Variants in VPS13D observed in about 807,000 individuals in gnomAD.
VPS13D encodes the protein vacuolar protein sorting 13 homolog D.
A neutral mutation model predicts 461.9 loss-of-function variants in VPS13D; 187 were observed. The observed-to-expected ratio is 0.40, with a 90% CI of 0.36 to 0.46. The LOEUF is 0.46. Among genes scored for constraint, VPS13D ranks in the 20% least tolerant of loss-of-function variants. The pLI is 0.60. For synonymous variants in VPS13D, 1,951 were observed against 1,986.3 expected, an observed-to-expected ratio of 0.98 and a Z score of 0.47; for missense variants, 4,711 against 5,364.9, an observed-to-expected ratio of 0.88 and a Z score of 3.81.
intron 65 of VPS13D, among the ~76,000 whole-genome samples, chr1:12,452,533 A>G (rs1645275895): frequency 6.6e-6 from 1 of 152,226 alleles, no homozygotes; most frequent in Non-Finnish European, 1.5e-5. Context: ...AGGGAGAAAT[A>G]ATGGCTGGGC....
chr1:12,331,760 T>C (rs1435373337), intron 37 of VPS13D, among the ~76,000 whole-genome samples: 1 of 151,080 alleles, frequency 6.6e-6, no homozygotes, highest in African/African-American at 2.4e-5. Flanking sequence ...GTCTTTCTAG[T>C]TGAGAGAAAC....
chr1:12,462,962 G>A lies in VPS13D; in HGVS notation c.12662+2566G>A, dbSNP rs909996518. ...ACATTTCCATGTAGATGAGGCACTCGGGATATAGAAAAGTTGTGCAGCTTG... is the reference window on the plus strand; with the variant it reads ...ACATTTCCATGTAGATGAGGCACTCAGGATATAGAAAAGTTGTGCAGCTTG... On this transcript the variant is annotated intron_variant, in intron 67 of 69. Transcript: ENST00000620676. 3.9e-5 allele frequency among the ~76,000 whole-genome samples: 6 copies of A among 152,158 alleles called. 1 individual carries two copies. The highest frequency in any genetic ancestry group is 2.6e-4 in the Admixed American group (4 of 15,292).
At chr1:12,333,164 G>A in intron 37 of VPS13D, 62 bp from the exon 38 acceptor site, 2 of 1,555,836 alleles carry the variant, frequency 1.3e-6, no homozygotes, top group Non-Finnish European at 1.7e-6. Context: ...TTTGCGAGCA[G>A]TGTTCCCCTA....
At chr1:12,361,195 A>G (rs2101611940) in intron 50 of VPS13D, among the ~76,000 whole-genome samples, 1 of 152,242 alleles carries the variant, frequency 6.6e-6, no homozygotes, top group Non-Finnish European at 1.5e-5. Context: ...AGCATGTATT[A>G]AGAGACCAGT....
chr1:12,307,293 C>A (rs531922861), intron 26 of VPS13D, among the ~76,000 whole-genome samples: 1 of 151,974 alleles, frequency 6.6e-6, no homozygotes, highest in African/African-American at 2.4e-5. Context: ...AGAGAGAAGA[C>A]TGAATTTAGA....
intron 63 of VPS13D, among the ~76,000 whole-genome samples, chr1:12,408,858 C>A (rs1227191679): frequency 1.3e-5 from 2 of 152,172 alleles, no homozygotes; most frequent in Non-Finnish European, 2.9e-5. Context: ...TGCTCTGTTG[C>A]TTCTCTGCCT....
chr1:12,329,942 A>G (rs1250338697), intron 37 of VPS13D, 24 bp downstream of exon 37: 3 of 1,360,944 alleles, frequency 2.2e-6, no homozygotes, highest in Admixed American at 2.0e-5. Flanking sequence ...ATATGTTATC[A>G]TGGGATTTAA....
chr1:12,386,734 C>A (rs1373802165), intron 60 of VPS13D, among the ~76,000 whole-genome samples: 1 of 152,198 alleles, frequency 6.6e-6, no homozygotes, highest in Non-Finnish European at 1.5e-5. Flanking sequence ...CCACCTGAAA[C>A]AACCCCAGAA....
chr1:12,372,207 C>G (rs190283821), intron 54 of VPS13D, among the ~76,000 whole-genome samples: 19 of 152,210 alleles, frequency 1.2e-4, no homozygotes, highest in Middle Eastern at 3.4e-3. Flanking sequence ...GTATGCAGCA[C>G]CACGCCCAGC....
intron 49 of VPS13D, among the ~76,000 whole-genome samples, chr1:12,357,983 G>A (rs1274962155): frequency 4.0e-5 from 6 of 148,230 alleles, no homozygotes; most frequent in South Asian, 2.1e-4. Context: ...CAGCCTGGGC[G>A]ACAGAGCAAG....
chr1:12,262,955 C>T (rs763863711), intron 13 of VPS13D, among the ~76,000 whole-genome samples: 25 of 152,080 alleles, frequency 1.6e-4, no homozygotes, highest in Non-Finnish European at 2.6e-4. Context: ...CTGTCCTCCT[C>T]GGGTTCCCAA....
chr1:12,497,342 A>G (rs954690121), intron 67 of VPS13D, 158 bp from the exon 68 acceptor site: 9 of 766,632 alleles, frequency 1.2e-5, no homozygotes, highest in Admixed American at 3.9e-5. Flanking sequence ...TTTAACCGCT[A>G]TTTCATGGTG....
At chr1:12,258,465 C>A (rs1250877117) in intron 10 of VPS13D, among the ~76,000 whole-genome samples, 1 of 152,236 alleles carries the variant, frequency 6.6e-6, no homozygotes, top group African/African-American at 2.4e-5. Flanking sequence ...TCTCTGTGAA[C>A]TTTGGCCTAC....
rs189892611 is a variant in VPS13D at position 12,254,872 on chromosome 1, C to T, written c.669+1046C>T. On this transcript the variant is annotated intron_variant, in intron 7 of 69. Transcript: ENST00000620676. ...TAATTTGTAGGTGGTTTAAGTGAAA[C>T]GGGGGAAAATAACTCATTTTTTTCC... 2.0e-3 allele frequency among the ~76,000 whole-genome samples: 300 copies of T among 151,700 alleles called. 1 individual carries two copies. Among genetic ancestry groups the T allele is most frequent in the Non-Finnish European group, 3.0e-3 (207 of 67,932 alleles).
At chr1:12,267,737 A>G in intron 14 of VPS13D, 108 bp from the exon 15 acceptor site, 2 of 985,740 alleles carry the variant, frequency 2.0e-6, no homozygotes, top group Non-Finnish European at 3.2e-6. Flanking sequence ...GTGAGTTTTG[A>G]TTTGATGGTG....
In VPS13D at chr1:12,280,092, G is replaced by A. The variant is rs537649462; in HGVS notation, c.4602+442G>A. On this transcript the variant is annotated intron_variant, in intron 20 of 69. Transcript: ENST00000620676. ...CTCTGAAATGAAATGGGCCAGGATA[G>A]GGATTTCTTTTTTTATGGGCATGCA... Among the ~76,000 whole-genome samples the A allele has an allele frequency of 2.0e-5, 3 of 152,270 alleles. 1 individual carries two copies. Among genetic ancestry groups the A allele is most frequent in the Admixed American group, 6.5e-5 (1 of 15,294 alleles).
intron 29 of VPS13D, among the ~76,000 whole-genome samples, chr1:12,313,220 A>G (rs1296695429): frequency 6.6e-6 from 1 of 151,098 alleles, no homozygotes; most frequent in African/African-American, 2.4e-5. Context: ...TCTGTACCTA[A>G]CTCAGCTGGT....
rs752359125 is a variant in VPS13D at position 12,260,765 on chromosome 1, C to T, written c.1183C>T (p.Arg395Ter). The T allele has an allele frequency of 2.5e-6, 4 of 1,614,064 alleles. No individual in the cohort carries two copies. The highest frequency in any genetic ancestry group is 1.3e-5 in the African/African-American group (1 of 75,008). Reference protein sequence around the residue: ...LKILRELVHDRFHKQEELAES... With the variant: ...LKILRELVHD The stretch of plus-strand genomic sequence containing the variant: ...GATTTTGCGTGAACTGGTTCATGAT[C>T]GATTTCACAAACAGGAAGAACTAGC... The change falls in exon 11 of 70, where the codon CGA (arginine) becomes TGA (stop). Residue 395 changes from arginine to a stop codon, truncating the protein, a stop_gained. Coordinates refer to ENST00000620676, the MANE Select transcript of VPS13D (RefSeq NM_015378.4). LOFTEE classifies it high-confidence loss of function.
chr1:12,341,628 T>G, intron 40 of VPS13D, 152 bp from the exon 41 acceptor site: 8 of 602,986 alleles, frequency 1.3e-5, no homozygotes, highest in Non-Finnish European at 2.0e-5. Context: ...AGCAAATACG[T>G]GGAGCTTCCA....
Sources: allele counts gnomAD v4.1 joint callset (sites outside exome capture counted in the v4.1 genomes callset), GRCh38; gene constraint gnomAD v4.1.1; transcripts MANE v1.5; gene names NCBI Gene and HGNC (gene_info 2026-07-23, HGNC 2026-07-21).